Variants in SRI observed in about 807,000 individuals in gnomAD.
SRI encodes sorcin.
In SRI, 30 loss-of-function variants were observed where a neutral mutation model predicts 33.3. The observed-to-expected ratio is 0.90, with a 90% confidence interval of 0.67 to 1.22. The LOEUF (loss-of-function observed/expected upper bound fraction) is 1.22, where lower values mean the gene tolerates loss of function less well. SRI is among the 50% of genes most tolerant of loss of function. The pLI, the probability that SRI is intolerant of heterozygous loss-of-function variation, is 0.00. For synonymous variants in SRI, 75 were observed against 89.9 expected, an observed-to-expected ratio of 0.83 and a Z score of 0.94; for missense variants, 243 against 250.8, an observed-to-expected ratio of 0.97 and a Z score of 0.21.
chr7:88,214,813 C>A, intron 3 of SRI: 2 of 1,139,572 alleles, frequency 1.8e-6, no homozygotes, highest in African/African-American at 1.6e-5. Context: ...TTTTTCTTCT[C>A]TTCTGTTCAT....
rs1441081629 is a variant in SRI, at chr7:88,210,014, T to G, written c.366A>C (p.Pro122=). Residue 122 remains proline (P), a synonymous_variant, in exon 5 of 8, where the codon CCA becomes CCC. Coordinates refer to ENST00000265729, the MANE Select transcript of SRI (RefSeq NM_003130.4). Reference sequence around the variant, plus strand: ...TTGTCAGGGCCTTCTGCAATTCTTGTGGGTCTACTGTTCCACTCCTGTCAG... The same window carrying G: ...TTGTCAGGGCCTTCTGCAATTCTTGGGGGTCTACTGTTCCACTCCTGTCAG... ...FDTDRSGTVD[P]QELQKALTTM... 4.3e-6 allele frequency: 7 copies of G among 1,614,188 alleles called. No individual in the cohort carries two copies. Among genetic ancestry groups the G allele is most frequent in the Non-Finnish European group, 5.9e-6 (7 of 1,180,030 alleles).
intron 2 of SRI, 50 bp from the exon 3 acceptor site, chr7:88,217,241 T>C (rs764739986): frequency 1.6e-5 from 24 of 1,475,224 alleles, no homozygotes; most frequent in Admixed American, 1.2e-4. Flanking sequence ...TACTTTCAAG[T>C]TGTTTACCTT....
At chr7:88,223,038 G>T (rs931016585), upstream of SRI, among the ~76,000 whole-genome samples, 6 of 152,014 alleles carry the variant, frequency 3.9e-5, no homozygotes, top group Non-Finnish European at 8.8e-5. Context: ...CACAGCAAAA[G>T]AAACTACCAT....
At position 88,209,416 on chromosome 7, in the gene SRI, G is replaced by A; in HGVS notation, c.434C>T (p.Ala145Val). Residue 145 changes from alanine (A) to valine (V), a missense_variant, in exon 6 of 8, where the codon GCA (alanine) becomes GTA (valine). Ala to Val is a moderately conservative substitution (Grantham distance 64). Transcript: ENST00000265729. ...CTTTCCATTGGTGCTGTATCGTTTT[G>A]CAATTGAATTCACAGCCTGGGGACT... ...RLSPQAVNSIAKRYSTNGKIT... is the reference protein window; with the variant it reads ...RLSPQAVNSIVKRYSTNGKIT... 1 of 1,614,034 alleles carries A rather than the reference G, an allele frequency of 6.2e-7. No individual in the cohort carries two copies. The highest frequency in any genetic ancestry group is 1.1e-5 in the South Asian group (1 of 91,084).
At chr7:88,206,612 C>T (rs1851444118) in intron 7 of SRI, 108 bp from the exon 8 acceptor site, 4 of 1,218,444 alleles carry the variant, frequency 3.3e-6, no homozygotes, top group African/African-American at 3.0e-5. Flanking sequence ...GGTAAAACAA[C>T]CCCTACAACT....
At chr7:88,222,495 A>C (rs1393364671), upstream of SRI, among the ~76,000 whole-genome samples, 1 of 151,362 alleles carries the variant, frequency 6.6e-6, no homozygotes, top group African/African-American at 2.4e-5. Flanking sequence ...TCTTTTGAGA[A>C]GTGTCTGTTC....
chr7:88,215,495 G>A (rs991807070), intron 3 of SRI, among the ~76,000 whole-genome samples: 4 of 152,246 alleles, frequency 2.6e-5, no homozygotes, highest in Admixed American at 2.0e-4. Context: ...GCTCAATTGC[G>A]TAACAATTAA....
At chr7:88,217,223 G>T (rs775383383) in intron 2 of SRI, 32 bp from the exon 3 acceptor site, 1 of 1,563,398 alleles carries the variant, frequency 6.4e-7, no homozygotes, top group Non-Finnish European at 8.8e-7. Context: ...AATCATAATA[G>T]TGATTTGTAC....
chr7:88,219,264 C>T (rs1037305706), intron 1 of SRI: 50 of 362,100 alleles, frequency 1.4e-4, no homozygotes, highest in African/African-American at 1.0e-3. Flanking sequence ...GGCAGGGCTT[C>T]AAATTCTCCT....
chr7:88,208,209 TC>T (rs759184109), intron 7 of SRI: 1 of 381,614 alleles, frequency 2.6e-6, no homozygotes, highest in East Asian at 5.9e-5. Context: ...TACTATATCT[TC>T]TTTATTCATA....
rs142795018 is a variant in SRI at position 88,219,225 on chromosome 7, G to C, written c.52-283C>G. 740 of 422,510 alleles carry C rather than the reference G, an allele frequency of 1.8e-3. 9 individuals are homozygous for C. The highest frequency in any genetic ancestry group is 0.015 in the Admixed American group (421 of 28,206). 26.2% of individuals were successfully genotyped at this position (422,510 alleles called of 1,614,324 possible). A position where few individuals can be genotyped will look rare whatever the true frequency, so the allele number is the denominator to read the frequency against. On this transcript the variant is annotated intron_variant, in intron 1 of 7. Coordinates refer to ENST00000265729, the MANE Select transcript of SRI (RefSeq NM_003130.4). ...CCCTATTAACCTGAAGGTTACTGAGGTGAGTGCAAACTAGGTAAGCCAACG... is the reference window on the plus strand; with the variant it reads ...CCCTATTAACCTGAAGGTTACTGAGCTGAGTGCAAACTAGGTAAGCCAACG...
intron 3 of SRI, among the ~76,000 whole-genome samples, chr7:88,213,148 C>T (rs1033161555): frequency 6.6e-5 from 10 of 152,174 alleles, no homozygotes; most frequent in Non-Finnish European, 1.3e-4. Flanking sequence ...TAGCATTTCT[C>T]TCACCTGTAT....
At chr7:88,211,588 G>C (rs1320186128) in intron 3 of SRI, among the ~76,000 whole-genome samples, 1 of 152,132 alleles carries the variant, frequency 6.6e-6, no homozygotes, top group Non-Finnish European at 1.5e-5. Context: ...GGGTTGCTTT[G>C]TTCCTACTCA....
chr7:88,226,093 T>C (rs945934072), intron 1 of SRI, among the ~76,000 whole-genome samples: 2 of 152,080 alleles, frequency 1.3e-5, no homozygotes, highest in Non-Finnish European at 2.9e-5. Flanking sequence ...AGGTAGAAAA[T>C]CACCTGTGTT....
intron 5 of SRI, among the ~76,000 whole-genome samples, chr7:88,209,653 C>T (rs566030311): frequency 1.2e-4 from 18 of 152,116 alleles, no homozygotes; most frequent in Non-Finnish European, 2.6e-4. Context: ...GTCTCACTCT[C>T]GCCCAGGCTG....
At chr7:88,225,433 A>G (rs1325077126) in intron 1 of SRI, among the ~76,000 whole-genome samples, 1 of 152,212 alleles carries the variant, frequency 6.6e-6, no homozygotes, top group Non-Finnish European at 1.5e-5. Flanking sequence ...GTGATCAAGA[A>G]GAGGCTGTCA....
upstream of SRI, among the ~76,000 whole-genome samples, chr7:88,222,807 C>G (rs1212596643): frequency 2.0e-5 from 3 of 152,092 alleles, no homozygotes; most frequent in Non-Finnish European, 2.9e-5. Context: ...ATGTAGGAAG[C>G]TAAAACTGGA....
chr7:88,221,666 C>T (rs576011881), upstream of SRI, among the ~76,000 whole-genome samples: 2 of 152,338 alleles, frequency 1.3e-5, no homozygotes, highest in Admixed American at 1.3e-4. Context: ...CATCTTCCCA[C>T]TGCTTTACTG....
At chr7:88,214,849 T>C in intron 3 of SRI, 1 of 1,257,994 alleles carries the variant, frequency 7.9e-7, no homozygotes, top group Non-Finnish European at 1.0e-6. Flanking sequence ...CAAACATCTT[T>C]TCTTCTCACA....
Sources: gnomAD v4.1 joint callset for allele counts (sites outside exome capture counted in the v4.1 genomes callset) on GRCh38, gnomAD v4.1.1 for gene constraint, MANE v1.5 for transcripts, NCBI Gene and HGNC (gene_info 2026-07-23, HGNC 2026-07-21) for gene names.